Variants in PCBD2 observed in about 807,000 individuals in gnomAD.
PCBD2 encodes the protein pterin-4-alpha-carbinolamine dehydratase 2.
Under a neutral mutation model 16.4 loss-of-function variants are expected in PCBD2, and 12 were observed. The observed-to-expected ratio is 0.73, with a 90% confidence interval of 0.47 to 1.19. The LOEUF is 1.19. PCBD2 is among the 50% of genes most tolerant of loss of function. PCBD2 has a pLI of 0.00. For synonymous variants in PCBD2, 58 were observed against 61.8 expected (o/e 0.94, Z 0.29); for missense variants, 138 against 156.8 (o/e 0.88, Z 0.64).
intron 2 of PCBD2, among the ~76,000 whole-genome samples, chr5:134,942,240 A>G (rs1751238885): frequency 6.6e-6 from 1 of 151,768 alleles, no homozygotes; most frequent in African/African-American, 2.4e-5. Context: ...AGGGATTTGT[A>G]CCTAAAGATG....
Position 134,930,872 on chromosome 5 carries a change from T to G in PCBD2, c.216+20406T>G, listed in dbSNP as rs530865030. On this transcript the variant is annotated intron_variant, in intron 2 of 3. Transcript: ENST00000254908. Reference sequence around the variant, plus strand: ...TTTAATCTCAAATTCTTTCTTTCCCTTTCCTTTTCTGTGACCACTGGTCCA... The same window carrying G: ...TTTAATCTCAAATTCTTTCTTTCCCGTTCCTTTTCTGTGACCACTGGTCCA... 5.3e-5 allele frequency among the ~76,000 whole-genome samples: 8 copies of G among 152,336 alleles called. No individual in the cohort carries two copies. The East Asian group carries it at 1.5e-3, about 29-fold the overall frequency.
chr5:134,909,403 T>G (rs1750737453), intron 1 of PCBD2, among the ~76,000 whole-genome samples: 1 of 152,250 alleles, frequency 6.6e-6, no homozygotes, highest in African/African-American at 2.4e-5. Flanking sequence ...ATCCGGGGAT[T>G]GGTTTTCATT....
chr5:134,906,256 T>A (rs1416689367), intron 1 of PCBD2, among the ~76,000 whole-genome samples: 1 of 125,186 alleles, frequency 8.0e-6, no homozygotes, highest in African/African-American at 3.2e-5. Flanking sequence ...CAGGCTGGAG[T>A]GCAGTGGCGC....
chr5:134,905,696 G>A (rs1317685822), intron 1 of PCBD2: 1 of 154,358 alleles, frequency 6.5e-6, no homozygotes, highest in Non-Finnish European at 1.4e-5. Flanking sequence ...GTGACATATT[G>A]ACTTTTCTTT....
chr5:134,948,719 CTT>C lies in PCBD2; in HGVS notation c.217-10306_217-10305del, dbSNP rs11355696. Among the ~76,000 whole-genome samples, 596 of 142,262 alleles carry C rather than the reference CTT, an allele frequency of 4.2e-3. 1 individual carries two copies. Among genetic ancestry groups the C allele is most frequent in the Middle Eastern group, 7.3e-3 (2 of 274 alleles). The allele number at this position is 142,262 out of a possible 152,430, so 93.3% of individuals were successfully genotyped here. A position where few individuals can be genotyped will look rare whatever the true frequency, so the allele number is the denominator to read the frequency against. On this transcript the variant is annotated intron_variant, in intron 2 of 3. Transcript: ENST00000254908. ...AATTGCCAAGAATAGTGACTTGAAG[CTT>C]TTTTTTTTTTTTTTAAAAGGCTCTA... is the stretch of plus-strand genomic sequence containing the variant.
chr5:134,918,164 C>A (rs919004595), intron 2 of PCBD2, among the ~76,000 whole-genome samples: 5 of 152,178 alleles, frequency 3.3e-5, no homozygotes, highest in Non-Finnish European at 5.9e-5. Context: ...GATAGGGAAG[C>A]ACTCCCAAAG....
intron 2 of PCBD2, among the ~76,000 whole-genome samples, chr5:134,949,291 GTCT>G (rs902273360): frequency 3.3e-5 from 5 of 152,018 alleles, no homozygotes; most frequent in African/African-American, 1.2e-4. Context: ...CTTCAAATTG[GTCT>G]TCTGCTAGGT....
chr5:134,906,344 C>A (rs1205266859), intron 1 of PCBD2, among the ~76,000 whole-genome samples: 4 of 151,812 alleles, frequency 2.6e-5, no homozygotes, highest in Non-Finnish European at 5.9e-5. Flanking sequence ...GCTGGGACAA[C>A]AGGCGCCCGT....
chr5:134,932,464 C>G (rs1393241320), intron 2 of PCBD2, among the ~76,000 whole-genome samples: 1 of 152,110 alleles, frequency 6.6e-6, no homozygotes, highest in East Asian at 1.9e-4. Context: ...GCTTCAGCCT[C>G]TCAAGTAGCT....
intron 2 of PCBD2, among the ~76,000 whole-genome samples, chr5:134,917,469 G>T (rs1750847928): frequency 6.6e-6 from 1 of 152,232 alleles, no homozygotes; most frequent in African/African-American, 2.4e-5. Context: ...AGTTTCCAAT[G>T]GTGATTCAGG....
chr5:134,905,304 G>C (rs1164481023), intron 1 of PCBD2, 81 bp downstream of exon 1: 1 of 1,163,568 alleles, frequency 8.6e-7, no homozygotes, highest in Non-Finnish European at 1.1e-6. Context: ...TGAGGGACCA[G>C]CGGGACTGGG....
chr5:134,905,236 C>T lies in PCBD2; in HGVS notation c.84+13C>T, dbSNP rs1168476277. On this transcript the variant is annotated intron_variant, in intron 1 of 3. Coordinates refer to ENST00000254908, the MANE Select transcript of PCBD2 (RefSeq NM_032151.5). ...GCTAGCGGCCATGGTGAGTGCACAG[C>T]GGCCGCGTGGGTGGGGGTCCGGGGT... 1 of 1,220,408 alleles carries T rather than the reference C, an allele frequency of 8.2e-7. No individual in the cohort carries two copies. The highest frequency in any genetic ancestry group is 1.0e-6 in the Non-Finnish European group (1 of 980,814). The allele number at this position is 1,220,408 out of a possible 1,614,324, so 75.6% of individuals were successfully genotyped here.
At chr5:134,955,601 C>T (rs576718264) in intron 2 of PCBD2, among the ~76,000 whole-genome samples, 3 of 152,240 alleles carry the variant, frequency 2.0e-5, no homozygotes, top group Non-Finnish European at 4.4e-5. Context: ...AGCCACCACG[C>T]CCAGCCAACA....
intron 2 of PCBD2, among the ~76,000 whole-genome samples, chr5:134,938,879 T>C (rs535164861): frequency 1.3e-3 from 193 of 152,306 alleles, no homozygotes; most frequent in African/African-American, 4.4e-3. Context: ...AAAGGTGTTG[T>C]ACAAAAAACC....
intron 2 of PCBD2, among the ~76,000 whole-genome samples, chr5:134,934,784 T>A (rs2149536140): frequency 6.6e-6 from 1 of 152,322 alleles, no homozygotes; most frequent in Admixed American, 6.5e-5. Flanking sequence ...TCTGAGAAAT[T>A]CTATTCCCAG....
chr5:134,912,299 C>T (rs1308886500), intron 2 of PCBD2, among the ~76,000 whole-genome samples: 1 of 152,206 alleles, frequency 6.6e-6, no homozygotes, highest in Admixed American at 6.5e-5. Context: ...ATGACTTCTG[C>T]GTGTACCATG....
intron 2 of PCBD2, chr5:134,923,622 GCCCCT>G (rs1750935978): frequency 2.7e-6 from 1 of 364,450 alleles, no homozygotes; most frequent in African/African-American, 2.1e-5. Flanking sequence ...AATTACTGTG[GCCCCT>G]CAGAAGGATA....
intron 1 of PCBD2, among the ~76,000 whole-genome samples, chr5:134,906,470 C>T (rs1013075347): frequency 6.6e-6 from 1 of 151,796 alleles, no homozygotes; most frequent in Non-Finnish European, 1.5e-5. Context: ...TCCCAAAGTG[C>T]TGTAATAGAA....
intron 2 of PCBD2, among the ~76,000 whole-genome samples, chr5:134,957,665 C>G (rs981551788): frequency 4.6e-5 from 7 of 152,142 alleles, no homozygotes; most frequent in African/African-American, 1.7e-4. Flanking sequence ...ATTCCACCAG[C>G]CTGGGCAACA....
Sources: gnomAD v4.1 joint callset for allele counts (sites outside exome capture counted in the v4.1 genomes callset) on GRCh38, gnomAD v4.1.1 for gene constraint, MANE v1.5 for transcripts, NCBI Gene and HGNC (gene_info 2026-07-23, HGNC 2026-07-21) for gene names.